The following EXOC3 variants were observed in gnomAD, a reference collection of about 807,000 sequenced individuals.
The protein encoded by EXOC3 is exocyst complex component 3, also known as SEC6-like 1.
Under a neutral mutation model 73.7 loss-of-function variants are expected in EXOC3, and 21 were observed. The ratio of observed to expected loss-of-function variants is 0.29; its 90% CI spans 0.20 to 0.41. The LOEUF is 0.41. Ranked by LOEUF, EXOC3 falls within the 10% of genes least tolerant of loss-of-function variation. EXOC3 has a pLI of 1.00. For synonymous variants in EXOC3, 410 were observed against 389.1 expected (o/e 1.05, Z -0.63); for missense variants, 842 against 985.1 (o/e 0.85, Z 1.95).
At chr5:464,541 G>C (rs901456392) in intron 10 of EXOC3, 129 bp downstream of exon 10, 10 of 1,034,358 alleles carry the variant, frequency 9.7e-6, no homozygotes, top group Non-Finnish European at 1.5e-5. Flanking sequence ...CAGCCCAAGG[G>C]AGGCAATAGG....
At chr5:461,912 C>A in intron 7 of EXOC3, 48 bp from the exon 8 acceptor site, 3 of 1,367,838 alleles carry the variant, frequency 2.2e-6, no homozygotes, top group Non-Finnish European at 3.1e-6. Context: ...TTTGAAACAG[C>A]TCCATGTTGC....
intron 7 of EXOC3, among the ~76,000 whole-genome samples, chr5:461,440 C>T (rs1412606529): frequency 6.6e-6 from 1 of 152,164 alleles, no homozygotes; most frequent in Non-Finnish European, 1.5e-5. Context: ...TGGTGAAACC[C>T]TGTCTCTACT....
intron 10 of EXOC3, 145 bp from the exon 11 acceptor site, chr5:464,966 T>G: frequency 1.1e-4 from 92 of 833,084 alleles, no homozygotes; most frequent in Middle Eastern, 3.6e-4. Flanking sequence ...TCCTCTGCGG[T>G]GAGATGCCAG....
In EXOC3 at chr5:443,229, G is replaced by GGGC. The variant is rs11274307; in HGVS notation, c.-71_-69dup. 2,349 of 139,172 alleles carry GGGC rather than the reference G, an allele frequency of 0.017. 50 individuals carry two copies. Among genetic ancestry groups the GGGC allele is most frequent in the East Asian group, 0.076 (384 of 5,064 alleles). 8.6% of individuals were successfully genotyped at this position (139,172 alleles called of 1,614,324 possible). On this transcript the variant is annotated 5_prime_UTR_variant, in exon 1 of 13. Transcript: ENST00000512944. The stretch of plus-strand genomic sequence containing the variant: ...GCAGCGAAGGCGGAGGGGGCGGCGG[G>GGGC]GGCGGCGGCGGCGGCGGCGGCGGCG...
chr5:467,029 T>C lies in EXOC3; in HGVS notation c.*131T>C, dbSNP rs72698513. 163,867 of 947,680 alleles carry C rather than the reference T, an allele frequency of 0.17. 16,087 individuals carry two copies. Among genetic ancestry groups the C allele is most frequent in the Non-Finnish European group, 0.2 (127,912 of 641,072 alleles). The allele number at this position is 947,680 out of a possible 1,614,324, so 58.7% of individuals were successfully genotyped here. On this transcript the variant is annotated 3_prime_UTR_variant, in exon 13 of 13. Coordinates refer to ENST00000512944, the MANE Select transcript of EXOC3 (RefSeq NM_007277.5). ...CACGGCCTGTCTTTAGGTGCCAGTG[T>C]GATGCACCGGGTGTGCGTCGAGTGA... is the stretch of plus-strand genomic sequence containing the variant.
In EXOC3 at chr5:458,347, C is replaced by T. The variant is rs527477779; in HGVS notation, c.1290+322C>T. Among the ~76,000 whole-genome samples the T allele has an allele frequency of 3.3e-5, 5 of 152,302 alleles. No homozygotes were observed. The South Asian group carries it at 1.0e-3, about 32-fold the overall frequency. On this transcript the variant is annotated intron_variant, in intron 6 of 12. Transcript: ENST00000512944. ...AAATGTGAGTTTGTTTGGTCGATAT[C>T]CAGGATTTGTCCTAAAAAATGGCAC... is the stretch of plus-strand genomic sequence containing the variant.
intron 2 of EXOC3, 35 bp from the exon 3 acceptor site, chr5:447,498 T>A: frequency 6.9e-7 from 1 of 1,458,624 alleles, no homozygotes; most frequent in Non-Finnish European, 9.2e-7. Flanking sequence ...ATGGCTATCA[T>A]TGGCTCTGCT....
intron 6 of EXOC3, 130 bp downstream of exon 6, chr5:458,155 C>A: frequency 1.1e-6 from 1 of 928,852 alleles, no homozygotes; most frequent in Non-Finnish European, 1.6e-6. Flanking sequence ...AGAGCCCTGC[C>A]TGGTGCATCT....
chr5:454,829 C>G lies in EXOC3; in HGVS notation c.1046+778C>G, dbSNP rs370989611. Reference sequence around the variant, plus strand: ...TCTTCTTCTTCTTTTTTTTCTTCCGCCCATCTTGTCACTGCAGTGGAGAAA... The same window carrying G: ...TCTTCTTCTTCTTTTTTTTCTTCCGGCCATCTTGTCACTGCAGTGGAGAAA... On this transcript the variant is annotated intron_variant, in intron 4 of 12. Transcript: ENST00000512944. Among the ~76,000 whole-genome samples the G allele has an allele frequency of 4.7e-5, 7 of 148,784 alleles. No individual in the cohort carries two copies. The East Asian group carries it at 5.8e-4, about 12-fold the overall frequency.
intron 4 of EXOC3, among the ~76,000 whole-genome samples, chr5:454,785 T>C (rs1737755346): frequency 2.0e-5 from 3 of 151,996 alleles, no homozygotes; most frequent in Non-Finnish European, 4.4e-5. Context: ...AAAATAATAT[T>C]AAGTAATGTA....
chr5:452,936 C>T (rs1737697327), intron 3 of EXOC3, among the ~76,000 whole-genome samples: 1 of 152,226 alleles, frequency 6.6e-6, no homozygotes, highest in Non-Finnish European at 1.5e-5. Context: ...GACCTGTGAA[C>T]AGGGGAAGAT....
intron 10 of EXOC3, chr5:464,866 C>T (rs1738093551): frequency 3.6e-6 from 2 of 562,102 alleles, no homozygotes; most frequent in Non-Finnish European, 6.3e-6. Context: ...GCGGCACTGC[C>T]TCGCCCGCGT....
chr5:464,948 C>T, intron 10 of EXOC3, 163 bp from the exon 11 acceptor site: 1 of 732,994 alleles, frequency 1.4e-6, no homozygotes, highest in South Asian at 1.9e-5. Context: ...CCACTGAGCC[C>T]CCGCTCCTCC....
rs1737604107 is a variant in EXOC3 at position 449,809 on chromosome 5, A to G, written c.364+2057A>G. 5.3e-5 allele frequency among the ~76,000 whole-genome samples: 8 copies of G among 152,358 alleles called. No individual in the cohort carries two copies. In the South Asian group the frequency reaches 1.7e-3, roughly 32 times the overall value. On this transcript the variant is annotated intron_variant, in intron 3 of 12. Coordinates refer to ENST00000512944, the MANE Select transcript of EXOC3 (RefSeq NM_007277.5). Reference sequence around the variant, plus strand: ...CTTTCTGGTATATACACACAAGTGTAATTGCTGGACCATGTGGTAATTTAT... The same window carrying G: ...CTTTCTGGTATATACACACAAGTGTGATTGCTGGACCATGTGGTAATTTAT...
intron 4 of EXOC3, among the ~76,000 whole-genome samples, chr5:454,827 C>T (rs1737757273): frequency 1.3e-5 from 2 of 148,850 alleles, no homozygotes; most frequent in African/African-American, 4.9e-5. Flanking sequence ...TTTTTTCTTC[C>T]GCCCATCTTG....
At chr5:464,719 T>C in intron 10 of EXOC3, 1 of 406,350 alleles carries the variant, frequency 2.5e-6, no homozygotes, top group Non-Finnish European at 4.6e-6. Context: ...TTCTTTCCGC[T>C]TCAGACCCTC....
chr5:467,259 C>T lies in EXOC3; in HGVS notation c.*361C>T, dbSNP rs2126590671. On this transcript the variant is annotated 3_prime_UTR_variant, in exon 13 of 13. Transcript: ENST00000512944. Reference sequence around the variant, plus strand: ...GCTTAAGTGCTCGGAACCCCGTCACCTAATTAAAGTTTCTCGGCTTCCTCA... The same window carrying T: ...GCTTAAGTGCTCGGAACCCCGTCACTTAATTAAAGTTTCTCGGCTTCCTCA... 4.2e-6 allele frequency: 1 copy of T among 238,256 alleles called. No homozygotes were observed. The allele number at this position is 238,256 out of a possible 1,614,324, so 14.8% of individuals were successfully genotyped here. A position where few individuals can be genotyped will look rare whatever the true frequency, so the allele number is the denominator to read the frequency against.
In EXOC3 at chr5:466,934, C is replaced by A; in HGVS notation, c.*36C>A. On this transcript the variant is annotated 3_prime_UTR_variant, in exon 13 of 13. Transcript: ENST00000512944. ...CCTGCCCTGCTCGCCCCTCCACAGC[C>A]TCGGTCCCTGCCTTTAGAAACGCGG... The A allele has an allele frequency of 6.4e-7, 1 of 1,555,044 alleles. No homozygotes were observed.
At position 453,877 on chromosome 5, in the gene EXOC3, T is replaced by C. The variant is rs772439151; in HGVS notation, c.872T>C (p.Ile291Thr). 1.7e-5 allele frequency: 27 copies of C among 1,613,792 alleles called. No homozygotes were observed. Among genetic ancestry groups the C allele is most frequent in the Admixed American group, 3.3e-5 (2 of 60,004 alleles). The change falls in exon 4 of 13, where the codon ATT becomes ACT. Residue 291 changes from isoleucine (I) to threonine (T), a missense_variant. Physicochemically the swap from Ile to Thr is moderately conservative, Grantham distance 89. Coordinates refer to ENST00000512944, the MANE Select transcript of EXOC3 (RefSeq NM_007277.5). ...AGGAAGTACGTCCTGGATGACCTCA[T>C]TGTCGCCAAAAACCTGATGGTTCAG... Reference protein sequence around the residue: ...IIRKYVLDDLIVAKNLMVQCF... With the variant: ...IIRKYVLDDLTVAKNLMVQCF...
Sources: gnomAD v4.1 joint callset for allele counts (sites outside exome capture counted in the v4.1 genomes callset) on GRCh38, gnomAD v4.1.1 for gene constraint, MANE v1.5 for transcripts, NCBI Gene and HGNC (gene_info 2026-07-23, HGNC 2026-07-21) for gene names.